Variants in PRTG observed in about 807,000 individuals in gnomAD.
The protein encoded by PRTG is protogenin.
In PRTG, 67 loss-of-function variants were observed where a neutral mutation model predicts 122.5. That is an observed-to-expected ratio of 0.55 (90% CI 0.45 to 0.67). The LOEUF (loss-of-function observed/expected upper bound fraction) is 0.67. Among genes scored for constraint, PRTG ranks in the 30% least tolerant of loss-of-function variants. The pLI is 0.00. For synonymous variants in PRTG, 554 were observed against 501.1 expected, an observed-to-expected ratio of 1.11 and a Z score of -1.41; for missense variants, 1,435 against 1,415.4, an observed-to-expected ratio of 1.01 and a Z score of -0.22.
At chr15:55,662,151 A>AT (rs1386189423) in intron 11 of PRTG, among the ~76,000 whole-genome samples, 1 of 152,228 alleles carries the variant, frequency 6.6e-6, no homozygotes, top group Non-Finnish European at 1.5e-5. Context: ...ATAGGCATAT[A>AT]TTGCTGTCTT....
At chr15:55,684,082 A>C (rs1403699667) in intron 2 of PRTG, 151 bp from the exon 3 acceptor site, 2 of 580,104 alleles carry the variant, frequency 3.4e-6, no homozygotes, top group African/African-American at 3.8e-5. Context: ...TTAGTGAATA[A>C]TTTTGGAGAA....
intron 11 of PRTG, among the ~76,000 whole-genome samples, chr15:55,661,363 A>G (rs2059408534): frequency 6.6e-6 from 1 of 152,206 alleles, no homozygotes; most frequent in African/African-American, 2.4e-5. Context: ...AAACTGATTA[A>G]AACAACAACA....
At chr15:55,674,498 G>A (rs908981311) in intron 9 of PRTG, among the ~76,000 whole-genome samples, 9 of 152,158 alleles carry the variant, frequency 5.9e-5, no homozygotes, top group African/African-American at 2.2e-4. Context: ...AACAGAGGTT[G>A]TTAATAGCAA....
intron 11 of PRTG, among the ~76,000 whole-genome samples, chr15:55,661,048 T>C (rs1485865173): frequency 6.6e-6 from 1 of 152,232 alleles, no homozygotes; most frequent in Non-Finnish European, 1.5e-5. Context: ...ATTTAACACA[T>C]AAAGTGATAG....
chr15:55,704,488 TATTAA>T (rs1347274524), intron 2 of PRTG, among the ~76,000 whole-genome samples: 8 of 152,334 alleles, frequency 5.3e-5, no homozygotes, highest in Non-Finnish European at 8.8e-5. Context: ...AGATACAGTA[TATTAA>T]ATTATTTGTT....
chr15:55,694,371 T>C (rs2059620993), intron 2 of PRTG, among the ~76,000 whole-genome samples: 1 of 152,162 alleles, frequency 6.6e-6, no homozygotes. Context: ...ATCCCTTACT[T>C]TTAATTTTTA....
At position 55,680,132 on chromosome 15, in the gene PRTG, C is replaced by T; in HGVS notation, c.895G>A (p.Ala299Thr). 6.2e-7 allele frequency: 1 copy of T among 1,613,068 alleles called. No individual in the cohort carries two copies. The highest frequency in any genetic ancestry group is 8.5e-7 in the Non-Finnish European group (1 of 1,179,112). The change falls in exon 6 of 20, where the codon GCT becomes ACT. Residue 299 changes from alanine (A) to threonine (T), a missense_variant. By Grantham distance (58) the Ala-to-Thr change is moderately conservative (BLOSUM62 0). Transcript: ENST00000389286. ...GTGGCCCGACAAACATATACTCCAG[C>T]ATGTTGTAGCCTGACATCAGATATC... is the stretch of plus-strand genomic sequence containing the variant. ...LMISDVRLQHAGVYVCRATTP... is the reference protein window; with the variant it reads ...LMISDVRLQHTGVYVCRATTP...
rs138086535 is a variant in PRTG, at chr15:55,686,776, C to T, written c.398-2845G>A. The stretch of plus-strand genomic sequence containing the variant: ...TGAGCTACTTATAATTCACGAAATA[C>T]ACCATGGTATTTCACACCTCTAAGG... On this transcript the variant is annotated intron_variant, in intron 2 of 19. Transcript: ENST00000389286. Among the ~76,000 whole-genome samples the T allele has an allele frequency of 3.4e-3, 520 of 152,340 alleles. 4 individuals carry two copies. Among genetic ancestry groups the T allele is most frequent in the African/African-American group, 0.012 (497 of 41,572 alleles).
intron 2 of PRTG, among the ~76,000 whole-genome samples, chr15:55,718,461 A>C (rs1595674294): frequency 1.3e-5 from 2 of 149,832 alleles, no homozygotes; most frequent in African/African-American, 4.9e-5. Context: ...TGTGACCCCC[A>C]CCCCTGCCAG....
chr15:55,720,992 G>T (rs1412302040), intron 2 of PRTG, among the ~76,000 whole-genome samples: 5 of 151,726 alleles, frequency 3.3e-5, no homozygotes, highest in Non-Finnish European at 7.4e-5. Context: ...CGAAAACTAC[G>T]TTTTTCCCAG....
At chr15:55,628,603 GTGATTTCAAAACTGCAGT>G (rs2059208518) in intron 16 of PRTG, among the ~76,000 whole-genome samples, 1 of 152,118 alleles carries the variant, frequency 6.6e-6, no homozygotes, top group East Asian at 1.9e-4. Flanking sequence ...ACTGGAAACA[GTGATTTCAAAACTGCAGT>G]TGATTCTGAG....
intron 18 of PRTG, among the ~76,000 whole-genome samples, chr15:55,622,697 G>A (rs2059173827): frequency 6.6e-6 from 1 of 151,188 alleles, no homozygotes; most frequent in Non-Finnish European, 1.5e-5. Flanking sequence ...GGCCACACCT[G>A]GCTAATTTTT....
At position 55,638,316 on chromosome 15, in the gene PRTG, G is replaced by T. The variant is rs145168158; in HGVS notation, c.2452+233C>A. Among the ~76,000 whole-genome samples, 73 of 151,994 alleles carry T rather than the reference G, an allele frequency of 4.8e-4. 1 individual carries two copies. In the East Asian group the frequency reaches 8.9e-3, roughly 18 times the overall value. ...TGATCTTTTTTTAAGGTTTCTAAAA[G>T]GACACTAAATTTAAGCCTACGTGCT... On this transcript the variant is annotated intron_variant, in intron 14 of 19. Transcript: ENST00000389286.
intron 2 of PRTG, among the ~76,000 whole-genome samples, chr15:55,699,697 T>G (rs1264246807): frequency 6.6e-6 from 1 of 152,210 alleles, no homozygotes; most frequent in Admixed American, 6.5e-5. Context: ...GAGACTAGAT[T>G]AGCCAGCAGA....
intron 2 of PRTG, among the ~76,000 whole-genome samples, chr15:55,730,054 G>A (rs1001808969): frequency 1.3e-5 from 2 of 152,150 alleles, no homozygotes; most frequent in Non-Finnish European, 2.9e-5. Context: ...GCACAAAAAT[G>A]AAAGTCGCTT....
rs983396637 is a variant in PRTG at position 55,615,754 on chromosome 15, C to T, written c.*4258G>A. The T allele has an allele frequency of 1.3e-5, 2 of 151,898 alleles. No individual in the cohort carries two copies. The highest frequency in any genetic ancestry group is 2.9e-5 in the Non-Finnish European group (2 of 67,934). The allele number at this position is 151,898 out of a possible 1,614,324, so 9.4% of individuals were successfully genotyped here. A position where few individuals can be genotyped will look rare whatever the true frequency, so the allele number is the denominator to read the frequency against. On this transcript the variant is annotated 3_prime_UTR_variant, in exon 20 of 20. Transcript: ENST00000389286. ...TTTTACATTCAGTATTCAAAATTTA[C>T]ATTCAGTGAAACAGAAATGTATATA...
At chr15:55,641,084 T>C (rs747218536) in intron 12 of PRTG, 29 bp downstream of exon 12, 6 of 1,489,666 alleles carry the variant, frequency 4.0e-6, no homozygotes, top group Non-Finnish European at 5.6e-6. Context: ...TGAGCCATAG[T>C]AAAACAAACT....
At chr15:55,702,920 A>G (rs935688128) in intron 2 of PRTG, 1 of 985,286 alleles carries the variant, frequency 1.0e-6, no homozygotes, top group African/African-American at 1.7e-5. Flanking sequence ...GATCCAGCAT[A>G]TCCTGCAGAC....
intron 11 of PRTG, among the ~76,000 whole-genome samples, chr15:55,656,937 G>C (rs147783263): frequency 8.5e-5 from 13 of 152,174 alleles, no homozygotes; most frequent in Non-Finnish European, 1.5e-4. Context: ...ATACCAGCAA[G>C]CTGTCAGACT....
Sources: gnomAD v4.1 joint callset for allele counts (sites outside exome capture counted in the v4.1 genomes callset) on GRCh38, gnomAD v4.1.1 for gene constraint, MANE v1.5 for transcripts, NCBI Gene and HGNC (gene_info 2026-07-23, HGNC 2026-07-21) for gene names.